Variants in C4orf50 observed in about 807,000 individuals in gnomAD.
C4orf50 encodes the protein chromosome 4 open reading frame 50.
C4orf50 carries 80 observed loss-of-function variants against 77.2 expected under a neutral mutation model. That is an observed-to-expected ratio of 1.04 (90% CI 0.87 to 1.25). The LOEUF (loss-of-function observed/expected upper bound fraction) is 1.25. C4orf50 is among the 50% of genes most tolerant of loss of function. The probability of loss-of-function intolerance (pLI) is 0.00; values close to 1 mark genes in which losing one functional copy is unlikely to be tolerated. For missense variants in C4orf50, 1,257 were observed against 1,152.9 expected, an observed-to-expected ratio of 1.09 and a Z score of -1.31; for synonymous variants, 532 against 465.3, an observed-to-expected ratio of 1.14 and a Z score of -1.84.
At chr4:5,923,069 G>A (rs1343878227) in intron 7 of C4orf50, among the ~76,000 whole-genome samples, 1 of 152,190 alleles carries the variant, frequency 6.6e-6, no homozygotes, top group African/African-American at 2.4e-5. Flanking sequence ...GACACAGAGT[G>A]AACTTTCCTG....
At chr4:5,965,140 T>C (rs1167804771) in exon 33 of C4orf50, 1 of 1,612,454 alleles carries the variant, frequency 6.2e-7, no homozygotes, top group Non-Finnish European at 8.5e-7. Context: ...AAGAGGTATG[T>C]CTGAGCTGGA....
intron 7 of C4orf50, among the ~76,000 whole-genome samples, chr4:5,933,994 T>A (rs576106649): frequency 6.6e-6 from 1 of 151,986 alleles, no homozygotes; most frequent in Non-Finnish European, 1.5e-5. Flanking sequence ...GAGAAGGGTG[T>A]CTGTGAGCGA....
chr4:5,920,055 A>C (rs1717194391), intron 7 of C4orf50, among the ~76,000 whole-genome samples: 1 of 152,226 alleles, frequency 6.6e-6, no homozygotes, highest in Non-Finnish European at 1.5e-5. Context: ...TAAGTAATAG[A>C]GATGATTTAC....
chr4:5,910,550 G>T (rs1055656680), intron 7 of C4orf50, among the ~76,000 whole-genome samples: 3 of 152,164 alleles, frequency 2.0e-5, no homozygotes, highest in African/African-American at 7.2e-5. Flanking sequence ...TCTAGAGTGT[G>T]TCCTTGTATA....
At position 5,924,501 on chromosome 4, in the gene C4orf50, GT is replaced by G. The variant is rs546212021; in HGVS notation, c.*2475-26314del. Among the ~76,000 whole-genome samples, 6 of 152,306 alleles carry G rather than the reference GT, an allele frequency of 3.9e-5. No homozygotes were observed. In the South Asian group the frequency reaches 1.2e-3, roughly 32 times the overall value. ...AGCAGAGAGCAGGAAAGGCCAGACG[GT>G]TTGTTGGAGGCTGAGCAAGGGTAGA... On this transcript the variant is annotated intron_variant, in intron 7 of 7. Transcript: ENST00000324058.
chr4:5,908,608 C>T lies in C4orf50; in HGVS notation c.*2475-10420G>A, dbSNP rs1476058682. Among the ~76,000 whole-genome samples, 2 of 151,766 alleles carry T rather than the reference C, an allele frequency of 1.3e-5. No homozygotes were observed. Among genetic ancestry groups the T allele is most frequent in the Non-Finnish European group, 2.9e-5 (2 of 67,920 alleles). On this transcript the variant is annotated intron_variant, in intron 7 of 7. Coordinates refer to the C4orf50 transcript ENST00000324058. This position sits in a 1 kb window ranked among gnomAD's most constrained non-coding sequence, Gnocchi z 5.6. ...GCCCTGGGGTATCAGAAAATGAGGG[C>T]AAAAATGGGGACACTAGTCCATGAC... is the stretch of plus-strand genomic sequence containing the variant.
chr4:5,936,668 T>C (rs958877206), intron 7 of C4orf50, among the ~76,000 whole-genome samples: 1 of 149,566 alleles, frequency 6.7e-6, no homozygotes, highest in East Asian at 1.9e-4. Flanking sequence ...AAACTTAACA[T>C]GAGTTTCAGA....
Position 6,008,296 on chromosome 4 carries a change from G to A in C4orf50, c.663C>T (p.Ala221=), listed in dbSNP as rs1424960901. Reference sequence around the variant, plus strand: ...AGCCTGGGGCCGCGGTGTCCCACTGGGCCAGCAGGAGGCCCGCGGCGCGGC... The same window carrying A: ...AGCCTGGGGCCGCGGTGTCCCACTGAGCCAGCAGGAGGCCCGCGGCGCGGC... Residue 221 remains alanine (A), a synonymous_variant, in exon 25 of 34, where the codon GCC becomes GCT. Transcript: ENST00000531445. This position sits in a 1 kb window ranked among gnomAD's most constrained non-coding sequence, Gnocchi z 6.0. The A allele has an allele frequency of 2.6e-6, 1 of 390,206 alleles. No individual in the cohort carries two copies. Among genetic ancestry groups the A allele is most frequent in the East Asian group, 3.7e-5 (1 of 27,302 alleles). The allele number at this position is 390,206 out of a possible 1,614,324, so 24.2% of individuals were successfully genotyped here.
intron 7 of C4orf50, among the ~76,000 whole-genome samples, chr4:5,930,301 C>T (rs1200533345): frequency 6.6e-6 from 1 of 152,192 alleles, no homozygotes; most frequent in Non-Finnish European, 1.5e-5. Context: ...GGTAACATTA[C>T]CTACTGACTG....
downstream of C4orf50, among the ~76,000 whole-genome samples, chr4:5,956,374 C>T (rs548026602): frequency 3.9e-4 from 60 of 152,352 alleles, no homozygotes; most frequent in Middle Eastern, 3.4e-3. Flanking sequence ...CAGCCGCCCA[C>T]TCCACGGCCC....
chr4:5,924,724 G>A (rs1577893737), intron 7 of C4orf50, among the ~76,000 whole-genome samples: 1 of 152,352 alleles, frequency 6.6e-6, no homozygotes, highest in East Asian at 1.9e-4. Flanking sequence ...GTTCCACGTG[G>A]ATGTGGGGAG....
intron 7 of C4orf50, among the ~76,000 whole-genome samples, chr4:5,948,035 G>A (rs1288147565): frequency 6.6e-6 from 1 of 152,090 alleles, no homozygotes. Context: ...TGGTCAATTT[G>A]GGATGAATCC....
At position 6,009,471 on chromosome 4, in the gene C4orf50, A is replaced by G. The variant is rs1215040789; in HGVS notation, c.427-939T>C. 1.3e-5 allele frequency among the ~76,000 whole-genome samples: 2 copies of G among 152,196 alleles called. No individual in the cohort carries two copies. The highest frequency in any genetic ancestry group is 2.9e-5 in the Non-Finnish European group (2 of 68,034). ...CAAGCTTTGTTTGATAGTTTTGGGG[A>G]ACGTGGGGCAGATAAAAGTCAGGGT... On this transcript the variant is annotated intron_variant, in intron 24 of 33. Coordinates refer to ENST00000531445, the Ensembl canonical transcript of C4orf50. This position sits in a 1 kb window ranked among gnomAD's most constrained non-coding sequence, Gnocchi z 5.6.
At chr4:5,949,084 C>T (rs1334820381) in intron 7 of C4orf50, among the ~76,000 whole-genome samples, 5 of 151,896 alleles carry the variant, frequency 3.3e-5, no homozygotes, top group African/African-American at 1.2e-4. Context: ...AAAATCAAAG[C>T]TCTGGAGCCA....
At chr4:6,002,837 C>T (rs1721891398) in intron 25 of C4orf50, among the ~76,000 whole-genome samples, 1 of 152,244 alleles carries the variant, frequency 6.6e-6, no homozygotes, top group South Asian at 2.1e-4. Context: ...ATCGGGGCCT[C>T]ACTCCTTGGT....
Position 5,980,343 on chromosome 4 carries a change from G to A in C4orf50, c.3700-5C>T, listed in dbSNP as rs564029275. 26 of 1,608,068 alleles carry A rather than the reference G, an allele frequency of 1.6e-5. No individual in the cohort carries two copies. The highest frequency in any genetic ancestry group is 3.3e-4 in the Middle Eastern group (2 of 6,046). Reference sequence around the variant, plus strand: ...CTCGGCCTCTGAGTCCCGGAGCTGCGGAAATCACAGATTTGAATGAAATGT... The same window carrying A: ...CTCGGCCTCTGAGTCCCGGAGCTGCAGAAATCACAGATTTGAATGAAATGT... On this transcript the variant is annotated splice_region_variant and splice_polypyrimidine_tract_variant and intron_variant, in intron 28 of 33. Coordinates refer to ENST00000531445, the Ensembl canonical transcript of C4orf50.
chr4:5,986,713 AT>A (rs1255598375), intron 28 of C4orf50, among the ~76,000 whole-genome samples: 2 of 151,772 alleles, frequency 1.3e-5, no homozygotes, highest in East Asian at 3.9e-4. Context: ...TAATTTTTGT[AT>A]TTTTAGTAGA....
Position 5,932,395 on chromosome 4 carries a change from G to C in C4orf50, c.*2474+24506C>G, listed in dbSNP as rs1434977774. 1.3e-5 allele frequency among the ~76,000 whole-genome samples: 2 copies of C among 152,136 alleles called. No individual in the cohort carries two copies. The highest frequency in any genetic ancestry group is 2.9e-5 in the Non-Finnish European group (2 of 68,024). On this transcript the variant is annotated intron_variant, in intron 7 of 7. Coordinates refer to the C4orf50 transcript ENST00000324058. This position sits in a 1 kb window ranked among gnomAD's most constrained non-coding sequence, Gnocchi z 4.2. Reference sequence around the variant, plus strand: ...GTCCTGGTGCCCAAGTCCTGAACCTGAGGTGACCAGGTGATCATCTACCTG... The same window carrying C: ...GTCCTGGTGCCCAAGTCCTGAACCTCAGGTGACCAGGTGATCATCTACCTG...
chr4:5,958,911 C>T lies in C4orf50; in HGVS notation c.*464G>A, dbSNP rs1272047124. ...GAGATCCGTCCTGGACTCTCGACCTCAGCACTGGCGACCCTCGGGCTGTAA... is the reference window on the plus strand; with the variant it reads ...GAGATCCGTCCTGGACTCTCGACCTTAGCACTGGCGACCCTCGGGCTGTAA... On this transcript the variant is annotated 3_prime_UTR_variant, in exon 34 of 34. Coordinates refer to ENST00000531445, the Ensembl canonical transcript of C4orf50. The surrounding 1 kb of genome is among the most constrained non-coding windows in gnomAD (Gnocchi z 5.4). 6.1e-6 allele frequency: 1 copy of T among 162,968 alleles called. No individual in the cohort carries two copies. The highest frequency in any genetic ancestry group is 1.4e-5 in the Non-Finnish European group (1 of 73,852). The allele number at this position is 162,968 out of a possible 1,614,324, so 10.1% of individuals were successfully genotyped here. A position where few individuals can be genotyped will look rare whatever the true frequency, so the allele number is the denominator to read the frequency against.
Sources: gnomAD v4.1 joint callset for allele counts (sites outside exome capture counted in the v4.1 genomes callset) on GRCh38, gnomAD v4.1.1 for gene constraint, Gnocchi (gnomAD v3.1) non-coding constraint, MANE v1.5 for transcripts, NCBI Gene and HGNC (gene_info 2026-07-23, HGNC 2026-07-21) for gene names.